WWC2: variants seen among roughly 807,000 people sequenced by gnomAD.
WWC2 encodes the protein WW and C2 domain containing 2.
A neutral mutation model predicts 138.5 loss-of-function variants in WWC2; 101 were observed. The ratio of observed to expected loss-of-function variants is 0.73; its 90% confidence interval spans 0.62 to 0.86. The LOEUF (loss-of-function observed/expected upper bound fraction) is 0.86. Ranked by LOEUF, WWC2 falls within the 40% of genes least tolerant of loss-of-function variation. The probability of loss-of-function intolerance (pLI) is 0.00; values close to 1 mark genes in which losing one functional copy is unlikely to be tolerated. For synonymous variants in WWC2, 558 were observed against 538.4 expected, an observed-to-expected ratio of 1.04 and a Z score of -0.50; for missense variants, 1,420 against 1,419.4, an observed-to-expected ratio of 1.00 and a Z score of -0.01.
intron 21 of WWC2, among the ~76,000 whole-genome samples, chr4:183,303,641 A>G (rs1411525384): frequency 7.9e-5 from 12 of 152,252 alleles, no homozygotes; most frequent in Admixed American, 7.9e-4. Context: ...ACATAGCTAA[A>G]GAATTGTCTT....
intron 21 of WWC2, among the ~76,000 whole-genome samples, chr4:183,297,952 A>G (rs893128982): frequency 3.3e-5 from 5 of 152,254 alleles, no homozygotes; most frequent in Admixed American, 6.5e-5. Context: ...CTTCAACAGA[A>G]AGGCCATGGC....
chr4:183,294,952 G>A (rs1580159368), intron 21 of WWC2, among the ~76,000 whole-genome samples: 1 of 152,082 alleles, frequency 6.6e-6, no homozygotes, highest in East Asian at 1.9e-4. Flanking sequence ...AATCATCAAG[G>A]CAGACACATT....
At chr4:183,247,786 T>C (rs987284881) in intron 6 of WWC2, among the ~76,000 whole-genome samples, 3 of 137,184 alleles carry the variant, frequency 2.2e-5, no homozygotes, top group African/African-American at 8.0e-5. Context: ...TATATATATA[T>C]TATATATATA....
intron 9 of WWC2, among the ~76,000 whole-genome samples, chr4:183,257,156 C>G (rs1485666208): frequency 6.6e-6 from 1 of 152,128 alleles, no homozygotes; most frequent in African/African-American, 2.4e-5. Context: ...TAACATTGCT[C>G]CTTGTTTTAT....
intron 1 of WWC2, among the ~76,000 whole-genome samples, chr4:183,125,960 A>G (rs923815965): frequency 3.3e-5 from 5 of 152,226 alleles, no homozygotes; most frequent in African/African-American, 1.2e-4. Context: ...CACTAAGGAA[A>G]GGCCCAGGGT....
chr4:183,134,095 CATA>C (rs1733034172), intron 1 of WWC2, among the ~76,000 whole-genome samples: 1 of 152,106 alleles, frequency 6.6e-6, no homozygotes, highest in Non-Finnish European at 1.5e-5. Context: ...TAAAGTAACT[CATA>C]ATAAATTCAT....
chr4:183,289,503 TG>T lies in WWC2; in HGVS notation c.3253del (p.Asp1085MetfsTer6). 6.2e-7 allele frequency: 1 copy of T among 1,613,862 alleles called. No individual in the cohort carries two copies. Among genetic ancestry groups the T allele is most frequent in the Non-Finnish European group, 8.5e-7 (1 of 1,179,844 alleles). ...CTCTGACCCGGCAGAGCCGCCTCAATGATGAGCTGCAGGCGCTGAGGGACTT... is the reference window on the plus strand; with the variant it reads ...CTCTGACCCGGCAGAGCCGCCTCAATATGAGCTGCAGGCGCTGAGGGACTT... ...ASLTRQSRLN[D>X]ELQALRDLRQ... On this transcript the variant is annotated frameshift_variant, in exon 21 of 23. Transcript: ENST00000403733. LOFTEE classifies it high-confidence loss of function.
intron 4 of WWC2, among the ~76,000 whole-genome samples, chr4:183,214,684 A>G (rs1309734482): frequency 2.0e-5 from 3 of 151,822 alleles, no homozygotes; most frequent in African/African-American, 2.4e-5. Flanking sequence ...CCCAGCTACT[A>G]GGGAGGCTGA....
chr4:183,271,274 A>G, intron 16 of WWC2, 33 bp downstream of exon 16: 1 of 1,562,846 alleles, frequency 6.4e-7, no homozygotes, highest in Non-Finnish European at 8.7e-7. Context: ...TATGAAAGTA[A>G]TGTGAAATAC....
At chr4:183,193,244 T>C (rs1263647426) in intron 1 of WWC2, among the ~76,000 whole-genome samples, 1 of 152,224 alleles carries the variant, frequency 6.6e-6, no homozygotes, top group Non-Finnish European at 1.5e-5. Flanking sequence ...ATTTTCATGA[T>C]ACCAGTATTT....
chr4:183,179,285 A>G (rs1734554257), intron 1 of WWC2, among the ~76,000 whole-genome samples: 1 of 152,188 alleles, frequency 6.6e-6, no homozygotes, highest in Admixed American at 6.5e-5. Context: ...AAAGAGACTT[A>G]GCATTGTCTG....
At chr4:183,257,883 G>A (rs1035458270) in intron 9 of WWC2, among the ~76,000 whole-genome samples, 2 of 152,158 alleles carry the variant, frequency 1.3e-5, no homozygotes, top group African/African-American at 4.8e-5. Context: ...CTGCATTCTG[G>A]GATTGTAGGA....
chr4:183,231,123 A>C (rs1736231696), intron 4 of WWC2, among the ~76,000 whole-genome samples: 1 of 152,102 alleles, frequency 6.6e-6, no homozygotes, highest in African/African-American at 2.4e-5. Flanking sequence ...TGTAAACTAA[A>C]TACAGCAACA....
intron 10 of WWC2, among the ~76,000 whole-genome samples, 192 bp downstream of exon 10, chr4:183,259,920 TTGAA>T (rs1350178172): frequency 1.3e-5 from 2 of 152,244 alleles, no homozygotes; most frequent in African/African-American, 4.8e-5. Flanking sequence ...TGGAATACAT[TTGAA>T]ATATGTTATA....
At chr4:183,191,868 C>T (rs1735001261) in intron 1 of WWC2, among the ~76,000 whole-genome samples, 1 of 151,960 alleles carries the variant, frequency 6.6e-6, no homozygotes, top group African/African-American at 2.4e-5. Context: ...GCGGAGATTA[C>T]AGGCATGAGC....
At position 183,207,937 on chromosome 4, in the gene WWC2, C is replaced by T; in HGVS notation, c.242-16C>T. The T allele has an allele frequency of 6.3e-7, 1 of 1,591,808 alleles. No individual in the cohort carries two copies. Among genetic ancestry groups the T allele is most frequent in the Non-Finnish European group, 8.5e-7 (1 of 1,169,792 alleles). On this transcript the variant is annotated splice_polypyrimidine_tract_variant and intron_variant, in intron 2 of 22. Coordinates refer to ENST00000403733, the MANE Select transcript of WWC2 (RefSeq NM_024949.6). ...AAGTTAAATTCTAAAAAGTACCCTC[C>T]ACCTAATGTTTTCAGAAACCACGCA...
In WWC2 at chr4:183,175,974, A is replaced by T. The variant is rs183771437; in HGVS notation, c.132-17625A>T. 4.9e-4 allele frequency among the ~76,000 whole-genome samples: 75 copies of T among 152,370 alleles called. 1 individual carries two copies. The East Asian group carries it at 0.01, about 20-fold the overall frequency. On this transcript the variant is annotated intron_variant, in intron 1 of 22. Coordinates refer to ENST00000403733, the MANE Select transcript of WWC2 (RefSeq NM_024949.6). Reference sequence around the variant, plus strand: ...CTCACTTCACCTTGCATACTTTGCCAGCGTTCAGCCTCATGACTTATGCTT... The same window carrying T: ...CTCACTTCACCTTGCATACTTTGCCTGCGTTCAGCCTCATGACTTATGCTT...
intron 1 of WWC2, among the ~76,000 whole-genome samples, chr4:183,128,354 G>C (rs1212054335): frequency 6.6e-6 from 1 of 151,610 alleles, no homozygotes; most frequent in African/African-American, 2.4e-5. Flanking sequence ...AAAAAAAGAA[G>C]AAGACAAAAA....
chr4:183,260,415 A>G (rs918831306), intron 10 of WWC2, among the ~76,000 whole-genome samples: 5 of 152,238 alleles, frequency 3.3e-5, no homozygotes, highest in African/African-American at 7.2e-5. Flanking sequence ...TAGACATGGT[A>G]TACAGTTAGG....
Sources: gnomAD v4.1 joint callset for allele counts (sites outside exome capture counted in the v4.1 genomes callset) on GRCh38, gnomAD v4.1.1 for gene constraint, MANE v1.5 for transcripts, NCBI Gene and HGNC (gene_info 2026-07-23, HGNC 2026-07-21) for gene names.